Variants in NPTN observed in about 807,000 individuals in gnomAD.
NPTN encodes the protein SDR-1.
Under a neutral mutation model 42.7 loss-of-function variants are expected in NPTN, and 5 were observed. The ratio of observed to expected loss-of-function variants is 0.12; its 90% confidence interval spans 0.06 to 0.25. The LOEUF (loss-of-function observed/expected upper bound fraction) is 0.25, where lower values mean the gene tolerates loss of function less well. Among genes scored for constraint, NPTN ranks in the 10% least tolerant of loss-of-function variants. The probability of loss-of-function intolerance (pLI) is 1.00; values close to 1 mark genes in which losing one functional copy is unlikely to be tolerated. For missense variants in NPTN, 307 were observed against 525.4 expected (o/e 0.58, Z 4.06); for synonymous variants, 180 against 201.9 (o/e 0.89, Z 0.92).
At chr15:73,567,810 G>A in intron 6 of NPTN, 7 of 985,396 alleles carry the variant, frequency 7.1e-6, no homozygotes, top group Non-Finnish European at 8.4e-6. Flanking sequence ...AGGAAGGGAA[G>A]GAGAGAAGGC....
At chr15:73,568,406 T>C (rs1332820961) in intron 6 of NPTN, 1 of 985,260 alleles carries the variant, frequency 1.0e-6, no homozygotes, top group Admixed American at 6.1e-5. Context: ...AGGAAGGTGG[T>C]ATTGGCAAAG....
intron 4 of NPTN, among the ~76,000 whole-genome samples, chr15:73,579,661 T>C (rs1895889436): frequency 1.3e-5 from 2 of 151,960 alleles, no homozygotes. Flanking sequence ...CCTTGGTGTG[T>C]GGGAGGAGGA....
At position 73,569,773 on chromosome 15, in the gene NPTN, T is replaced by C. The variant is rs1895258980; in HGVS notation, c.1114+377A>G. 1.0e-6 allele frequency: 1 copy of C among 985,154 alleles called. No individual in the cohort carries two copies. The highest frequency in any genetic ancestry group is 1.7e-5 in the African/African-American group (1 of 57,194). The allele number at this position is 985,154 out of a possible 1,614,324, so 61.0% of individuals were successfully genotyped here. ...TCTTGGGGTGGCTTCTAGGCTTGAC[T>C]TGGATTCTCCTCAAGCTCAATCTGC... is the stretch of plus-strand genomic sequence containing the variant. On this transcript the variant is annotated intron_variant, in intron 6 of 8. Transcript: ENST00000345330. This position sits in a 1 kb window ranked among gnomAD's most constrained non-coding sequence, Gnocchi z 4.1.
intron 4 of NPTN, among the ~76,000 whole-genome samples, chr15:73,581,874 G>A (rs1157518728): frequency 1.3e-5 from 2 of 151,214 alleles, no homozygotes; most frequent in Admixed American, 6.6e-5. Flanking sequence ...TCGCTCTGTC[G>A]CCCAGGCTGG....
At chr15:73,629,784 C>T (rs911795711) in intron 1 of NPTN, among the ~76,000 whole-genome samples, 1 of 150,444 alleles carries the variant, frequency 6.6e-6, no homozygotes, top group Non-Finnish European at 1.5e-5. Context: ...TTATTCACAA[C>T]AATAATACTC....
At chr15:73,579,277 CAAAA>C (rs112811114) in intron 4 of NPTN, among the ~76,000 whole-genome samples, 4 of 115,810 alleles carry the variant, frequency 3.5e-5, no homozygotes, top group Admixed American at 8.7e-5. Context: ...GACTCCGTCT[CAAAA>C]AAAAAAAAAA....
At chr15:73,601,858 G>T (rs983936502) in intron 1 of NPTN, among the ~76,000 whole-genome samples, 3 of 152,158 alleles carry the variant, frequency 2.0e-5, no homozygotes, top group African/African-American at 4.8e-5. Context: ...GATGCTGGAG[G>T]GGGTAGCAGG....
intron 1 of NPTN, among the ~76,000 whole-genome samples, chr15:73,630,065 A>G (rs1395347369): frequency 6.6e-6 from 1 of 152,218 alleles, no homozygotes; most frequent in Non-Finnish European, 1.5e-5. Context: ...AGAAAAATAA[A>G]TAAAAAATAA....
intron 2 of NPTN, 63 bp downstream of exon 2, chr15:73,596,959 G>T (rs1896862277): frequency 1.5e-6 from 2 of 1,342,814 alleles, no homozygotes; most frequent in Non-Finnish European, 2.1e-6. Flanking sequence ...GGATGCAGAA[G>T]GGAAGGGTCA....
chr15:73,603,575 A>G (rs1478919108), intron 1 of NPTN, among the ~76,000 whole-genome samples: 1 of 146,202 alleles, frequency 6.8e-6, no homozygotes, highest in Non-Finnish European at 1.5e-5. Flanking sequence ...AAGTGTTTTC[A>G]GAGTTATAAA....
chr15:73,605,965 C>T (rs1042683170), intron 1 of NPTN, among the ~76,000 whole-genome samples: 3 of 151,272 alleles, frequency 2.0e-5, no homozygotes, highest in Admixed American at 1.3e-4. Flanking sequence ...GGGAGGCTGA[C>T]GCACAAGAAT....
At chr15:73,596,910 A>G (rs914078756) in intron 2 of NPTN, 112 bp downstream of exon 2, 6 of 869,588 alleles carry the variant, frequency 6.9e-6, no homozygotes, top group Non-Finnish European at 1.1e-5. Context: ...AAACGAAGAC[A>G]AGGGGTGGGG....
At chr15:73,623,968 G>C (rs973416749) in intron 1 of NPTN, among the ~76,000 whole-genome samples, 3 of 152,134 alleles carry the variant, frequency 2.0e-5, no homozygotes, top group Admixed American at 2.0e-4. Flanking sequence ...ATTGCTCTTT[G>C]ATACAGCCCA....
At chr15:73,624,400 A>C (rs75814712) in intron 1 of NPTN, among the ~76,000 whole-genome samples, 14 of 152,358 alleles carry the variant, frequency 9.2e-5, no homozygotes, top group African/African-American at 3.4e-4. Context: ...TAATGAATAT[A>C]ATTTCAATGC....
intron 2 of NPTN, among the ~76,000 whole-genome samples, chr15:73,596,383 C>T (rs1896836271): frequency 1.3e-5 from 2 of 152,166 alleles, no homozygotes; most frequent in African/African-American, 2.4e-5. Flanking sequence ...AACCAAAACA[C>T]ACCACCACAC....
chr15:73,633,365 C>A lies in NPTN; in HGVS notation c.-150G>T, dbSNP rs1898877608. The A allele has an allele frequency of 1.9e-6, 1 of 529,326 alleles. No individual in the cohort carries two copies. The highest frequency in any genetic ancestry group is 3.5e-5 in the East Asian group (1 of 28,412). The allele number at this position is 529,326 out of a possible 1,614,324, so 32.8% of individuals were successfully genotyped here. ...CGGCTCCGTCCTTCCCCGTCCTCCTCCTGCCGCCGCAGCGCCCAGGCCTCG... is the reference window on the plus strand; with the variant it reads ...CGGCTCCGTCCTTCCCCGTCCTCCTACTGCCGCCGCAGCGCCCAGGCCTCG... On this transcript the variant is annotated 5_prime_UTR_variant, in exon 1 of 9. Coordinates refer to ENST00000345330, the MANE Select transcript of NPTN (RefSeq NM_012428.4).
intron 3 of NPTN, 86 bp downstream of exon 3, chr15:73,591,880 T>G: frequency 7.6e-7 from 1 of 1,321,942 alleles, no homozygotes. Flanking sequence ...ATGTCCCTTC[T>G]GCATGGCGCA....
At position 73,567,406 on chromosome 15, in the gene NPTN, C is replaced by T. The variant is rs554518995; in HGVS notation, c.1114+2744G>A. The T allele has an allele frequency of 4.1e-6, 4 of 985,274 alleles. No individual in the cohort carries two copies. The South Asian group carries it at 1.4e-4, about 35-fold the overall frequency. The allele number at this position is 985,274 out of a possible 1,614,324, so 61.0% of individuals were successfully genotyped here. A position where few individuals can be genotyped will look rare whatever the true frequency, so the allele number is the denominator to read the frequency against. On this transcript the variant is annotated intron_variant, in intron 6 of 8. Transcript: ENST00000345330. ...TATCTGATAGGTAAACACTTATGAC[C>T]TCTTAACACTCCCAAGTTTGTGTCA...
rs1894582605 is a variant in NPTN, at chr15:73,560,262, CAAAAGA to C, written c.*795_*800del. The C allele has an allele frequency of 1.2e-5, 2 of 164,712 alleles. No homozygotes were observed. The highest frequency in any genetic ancestry group is 2.6e-5 in the Non-Finnish European group (2 of 76,604). 10.2% of individuals were successfully genotyped at this position (164,712 alleles called of 1,614,324 possible). ...TATAACATTTCAAGGTCATTGGAAA[CAAAAGA>C]AAAATTATAAAAGTTTGCCTTGATT... On this transcript the variant is annotated 3_prime_UTR_variant, in exon 9 of 9. Coordinates refer to ENST00000345330, the MANE Select transcript of NPTN (RefSeq NM_012428.4).
Sources: allele counts gnomAD v4.1 joint callset (sites outside exome capture counted in the v4.1 genomes callset), GRCh38; gene constraint gnomAD v4.1.1; non-coding constraint Gnocchi (gnomAD v3.1); transcripts MANE v1.5; gene names NCBI Gene and HGNC (gene_info 2026-07-23, HGNC 2026-07-21).